Variants in KLHL2 observed in about 807,000 individuals in gnomAD.
KLHL2 encodes kelch-like protein 2.
KLHL2 carries 15 observed loss-of-function variants against 75.8 expected under a neutral mutation model. The observed-to-expected ratio is 0.20, with a 90% CI of 0.13 to 0.30. The LOEUF is 0.30. KLHL2 is among the 10% of genes least tolerant of loss of function. KLHL2 has a pLI of 1.00. For missense variants in KLHL2, 381 were observed against 741.0 expected, an observed-to-expected ratio of 0.51 and a Z score of 5.64; for synonymous variants, 214 against 251.9, an observed-to-expected ratio of 0.85 and a Z score of 1.42.
At chr4:165,256,098 A>G (rs1167383390) in intron 4 of KLHL2, among the ~76,000 whole-genome samples, 6 of 152,174 alleles carry the variant, frequency 3.9e-5, no homozygotes, top group African/African-American at 1.4e-4. Context: ...GTAGGATGAA[A>G]GCATCTTTAC....
At position 165,263,805 on chromosome 4, in the gene KLHL2, G is replaced by GTT. The variant is rs55901119; in HGVS notation, c.544+469_544+470dup. Among the ~76,000 whole-genome samples the GTT allele has an allele frequency of 1.1e-3, 76 of 66,496 alleles. 1 individual carries two copies. Among genetic ancestry groups the GTT allele is most frequent in the Admixed American group, 1.9e-3 (8 of 4,304 alleles). 43.6% of individuals were successfully genotyped at this position (66,496 alleles called of 152,430 possible). A position where few individuals can be genotyped will look rare whatever the true frequency, so the allele number is the denominator to read the frequency against. ...TATTTTAGCTCTGATTTTTTACATT[G>GTT]TTTTTTTTTTTTTTTTTTTTTTTTG... On this transcript the variant is annotated intron_variant, in intron 5 of 14. Coordinates refer to ENST00000226725, the MANE Select transcript of KLHL2 (RefSeq NM_007246.4).
chr4:165,264,753 TATATATATATATAAA>T (rs1742097545), intron 5 of KLHL2, among the ~76,000 whole-genome samples: 3 of 81,662 alleles, frequency 3.7e-5, no homozygotes, highest in African/African-American at 1.5e-4. Flanking sequence ...TATATATATA[TATATATATATATAAA>T]ACATTATCCA....
chr4:165,304,621 A>ACT (rs1226572444), intron 8 of KLHL2, among the ~76,000 whole-genome samples: 1 of 152,212 alleles, frequency 6.6e-6, no homozygotes, highest in African/African-American at 2.4e-5. Flanking sequence ...ATACTCAGTA[A>ACT]AAGGCAGACA....
intron 2 of KLHL2, among the ~76,000 whole-genome samples, chr4:165,227,900 CTT>C (rs557385631): frequency 2.0e-4 from 24 of 121,240 alleles, no homozygotes; most frequent in East Asian, 7.3e-4. Flanking sequence ...TAACAAAATG[CTT>C]TTTTTTTTTT....
chr4:165,212,897 A>G (rs1008457705), intron 1 of KLHL2, among the ~76,000 whole-genome samples: 10 of 152,108 alleles, frequency 6.6e-5, no homozygotes, highest in African/African-American at 2.4e-4. Flanking sequence ...AGCTCCATCT[A>G]TATCTTAAGT....
chr4:165,278,274 C>G (rs768795112), intron 5 of KLHL2: 3 of 1,070,370 alleles, frequency 2.8e-6, no homozygotes, highest in South Asian at 1.2e-5. Flanking sequence ...ATGGCAGCAC[C>G]CAGTGCAGTG....
chr4:165,261,894 T>A (rs1022416082), intron 4 of KLHL2, among the ~76,000 whole-genome samples: 2 of 152,216 alleles, frequency 1.3e-5, no homozygotes, highest in Admixed American at 1.3e-4. Context: ...TATATGAAAG[T>A]CAATTTCTGA....
Position 165,263,802 on chromosome 4 carries a change from ATTGTTTTTTTT to A in KLHL2, c.544+446_544+456del, listed in dbSNP as rs1431985466. On this transcript the variant is annotated intron_variant, in intron 5 of 14. Transcript: ENST00000226725. ...AGTTATTTTAGCTCTGATTTTTTAC[ATTGTTTTTTTT>A]TTTTTTTTTTTTTTTTGCATCCATG... is the stretch of plus-strand genomic sequence containing the variant. Among the ~76,000 whole-genome samples, 91 of 93,546 alleles carry A rather than the reference ATTGTTTTTTTT, an allele frequency of 9.7e-4. 1 individual carries two copies. The highest frequency in any genetic ancestry group is 2.6e-3 in the African/African-American group (73 of 28,348). The allele number at this position is 93,546 out of a possible 152,430, so 61.4% of individuals were successfully genotyped here.
chr4:165,240,610 C>T (rs1012782176), intron 4 of KLHL2: 1 of 151,278 alleles, frequency 6.6e-6, no homozygotes, highest in Non-Finnish European at 1.5e-5. Flanking sequence ...TATGTCATCT[C>T]GTTCTGGTCT....
chr4:165,303,529 G>A (rs1185410995), intron 8 of KLHL2, among the ~76,000 whole-genome samples: 1 of 147,998 alleles, frequency 6.8e-6, no homozygotes, highest in East Asian at 1.9e-4. Context: ...CAGAGGTGAG[G>A]GTATTGTATA....
chr4:165,209,946 T>C, intron 1 of KLHL2: 8 of 1,379,470 alleles, frequency 5.8e-6, no homozygotes, highest in Non-Finnish European at 7.7e-6. Context: ...TTAACATCCC[T>C]CCACCATGGA....
Position 165,319,897 on chromosome 4 carries a change from G to A in KLHL2, c.1753+1928G>A, listed in dbSNP as rs1746842035. On this transcript the variant is annotated intron_variant, in intron 14 of 14. Transcript: ENST00000226725. This position sits in a 1 kb window ranked among gnomAD's most constrained non-coding sequence, Gnocchi z 4.5. ...ACCTGTCAACTCTAATATGATTTGA[G>A]AAAAAGGAAAGTCATTATGTGACAA... Among the ~76,000 whole-genome samples, 1 of 152,070 alleles carries A rather than the reference G, an allele frequency of 6.6e-6. No individual in the cohort carries two copies. Among genetic ancestry groups the A allele is most frequent in the South Asian group, 2.1e-4 (1 of 4,828 alleles).
intron 5 of KLHL2, among the ~76,000 whole-genome samples, chr4:165,281,604 C>G (rs998245975): frequency 6.6e-6 from 1 of 152,084 alleles, no homozygotes; most frequent in Non-Finnish European, 1.5e-5. Flanking sequence ...CGTGAGCCAC[C>G]GTGCCCAGCC....
At chr4:165,265,826 G>A (rs756413423) in intron 5 of KLHL2, among the ~76,000 whole-genome samples, 2 of 152,156 alleles carry the variant, frequency 1.3e-5, no homozygotes, top group Non-Finnish European at 2.9e-5. Context: ...AATGCTTTGG[G>A]TATATACCCA....
intron 13 of KLHL2, among the ~76,000 whole-genome samples, chr4:165,314,601 G>C (rs1443382841): frequency 1.3e-5 from 2 of 152,146 alleles, no homozygotes; most frequent in Non-Finnish European, 2.9e-5. Context: ...TAAAAAGCTA[G>C]TTGATTATCT....
intron 8 of KLHL2, among the ~76,000 whole-genome samples, chr4:165,300,506 G>A (rs774800542): frequency 5.9e-5 from 9 of 151,970 alleles, no homozygotes; most frequent in Admixed American, 2.0e-4. Flanking sequence ...ATGTCTTCCC[G>A]TGTGTCTCGT....
At chr4:165,303,220 A>G (rs897934983) in intron 8 of KLHL2, among the ~76,000 whole-genome samples, 2 of 152,304 alleles carry the variant, frequency 1.3e-5, no homozygotes, top group South Asian at 2.1e-4. Context: ...TTTCCTTTTC[A>G]TCTTCATTTT....
At chr4:165,282,080 A>G (rs1390921789) in intron 5 of KLHL2, among the ~76,000 whole-genome samples, 1 of 152,220 alleles carries the variant, frequency 6.6e-6, no homozygotes, top group Non-Finnish European at 1.5e-5. Flanking sequence ...GAGGTTGGTA[A>G]TAGCGTTAGA....
intron 4 of KLHL2, chr4:165,240,268 T>G (rs1268682919): frequency 6.6e-6 from 1 of 152,212 alleles, no homozygotes; most frequent in African/African-American, 2.4e-5. Flanking sequence ...CTTGCACAAA[T>G]AGGAAGTTGT....
Sources: allele counts gnomAD v4.1 joint callset (sites outside exome capture counted in the v4.1 genomes callset), GRCh38; gene constraint gnomAD v4.1.1; non-coding constraint Gnocchi (gnomAD v3.1); transcripts MANE v1.5; gene names NCBI Gene and HGNC (gene_info 2026-07-23, HGNC 2026-07-21).